RIMS2: variants seen among roughly 807,000 people sequenced by gnomAD.
RIMS2 encodes regulating synaptic membrane exocytosis 2, also known as regulating synaptic membrane exocytosis protein 2.
Under a neutral mutation model 174.4 loss-of-function variants are expected in RIMS2, and 59 were observed. The observed-to-expected ratio is 0.34, with a 90% CI of 0.27 to 0.42. The LOEUF is 0.42. Ranked by LOEUF, RIMS2 falls within the 10% of genes least tolerant of loss-of-function variation. The pLI is 1.00. For synonymous variants in RIMS2, 606 were observed against 572.5 expected (o/e 1.06, Z -0.84); for missense variants, 1,620 against 1,666.3 (o/e 0.97, Z 0.48).
At chr8:103,571,233 T>C (rs1014473545) in intron 1 of RIMS2, among the ~76,000 whole-genome samples, 2 of 152,208 alleles carry the variant, frequency 1.3e-5, no homozygotes, top group African/African-American at 2.4e-5. Context: ...ATGTCACTTA[T>C]GATCTCAAAA....
At chr8:103,767,787 A>T (rs1191109056) in intron 3 of RIMS2, among the ~76,000 whole-genome samples, 1 of 152,254 alleles carries the variant, frequency 6.6e-6, no homozygotes, top group African/African-American at 2.4e-5. Context: ...AAGTAGTAAA[A>T]GGGAACAGTA....
intron 3 of RIMS2, among the ~76,000 whole-genome samples, chr8:103,771,346 T>G (rs2098251603): frequency 1.3e-5 from 2 of 152,190 alleles, no homozygotes; most frequent in Non-Finnish European, 2.9e-5. Context: ...TAAAACTGTT[T>G]AAAAACATTT....
intron 3 of RIMS2, among the ~76,000 whole-genome samples, chr8:103,773,093 A>C (rs2098271602): frequency 6.6e-6 from 1 of 152,140 alleles, no homozygotes; most frequent in African/African-American, 2.4e-5. Context: ...ATTTTAGGGT[A>C]ATCAATAATT....
intron 19 of RIMS2, among the ~76,000 whole-genome samples, chr8:104,201,655 T>G (rs2099055414): frequency 6.6e-6 from 1 of 152,180 alleles, no homozygotes; most frequent in African/African-American, 2.4e-5. Context: ...ACCCTTTAAA[T>G]GATGAAATGA....
At position 103,790,419 on chromosome 8, in the gene RIMS2, T is replaced by C. The variant is rs1386025229; in HGVS notation, c.698+23882T>C. ...ATGTTTTCAAAGTTCATTGATTATA[T>C]AGCATGAATCAATAATTCATTCCTT... On this transcript the variant is annotated intron_variant, in intron 3 of 23. Transcript: ENST00000504942. Among the ~76,000 whole-genome samples, 6 of 152,358 alleles carry C rather than the reference T, an allele frequency of 3.9e-5. No homozygotes were observed. The South Asian group carries it at 1.2e-3, about 32-fold the overall frequency.
At chr8:104,127,764 TA>T (rs2098443843) in intron 19 of RIMS2, among the ~76,000 whole-genome samples, 1 of 152,038 alleles carries the variant, frequency 6.6e-6, no homozygotes, top group Non-Finnish European at 1.5e-5. Context: ...AATAGAAATA[TA>T]ACTTTTGCCC....
intron 16 of RIMS2, among the ~76,000 whole-genome samples, chr8:103,982,434 C>T (rs1165367123): frequency 7.8e-6 from 1 of 128,926 alleles, no homozygotes. Context: ...CAGACAAAGA[C>T]ACATAAAAAA....
chr8:103,582,613 A>T (rs1050766361), intron 1 of RIMS2, among the ~76,000 whole-genome samples: 7 of 152,176 alleles, frequency 4.6e-5, no homozygotes, highest in Middle Eastern at 3.4e-3. Context: ...GACTTAAGAA[A>T]CCTTGGACCT....
chr8:103,851,388 A>G (rs1201753929), intron 3 of RIMS2, among the ~76,000 whole-genome samples: 1 of 151,880 alleles, frequency 6.6e-6, no homozygotes, highest in African/African-American at 2.4e-5. Flanking sequence ...TGCCAATAAA[A>G]CATGAAAAAA....
chr8:103,923,513 A>G (rs2078134375), intron 10 of RIMS2, among the ~76,000 whole-genome samples: 1 of 151,924 alleles, frequency 6.6e-6, no homozygotes, highest in Non-Finnish European at 1.5e-5. Flanking sequence ...GGTAAAAGGT[A>G]CATCTGTTAA....
intron 2 of RIMS2, among the ~76,000 whole-genome samples, chr8:103,708,438 A>G (rs1340705144): frequency 1.3e-5 from 2 of 152,092 alleles, no homozygotes; most frequent in Non-Finnish European, 2.9e-5. Context: ...ATCCTCTTCA[A>G]TGCATCTTTT....
At chr8:103,848,106 G>A (rs1593708160) in intron 3 of RIMS2, among the ~76,000 whole-genome samples, 1 of 151,946 alleles carries the variant, frequency 6.6e-6, no homozygotes, top group Admixed American at 6.6e-5. Context: ...AATCAGCTAA[G>A]CTATTCACCA....
At chr8:103,520,046 T>G (rs1830884833) in intron 1 of RIMS2, among the ~76,000 whole-genome samples, 1 of 152,108 alleles carries the variant, frequency 6.6e-6, no homozygotes, top group African/African-American at 2.4e-5. Flanking sequence ...AGGAAGGGCT[T>G]TGGCATTAGT....
At position 103,989,298 on chromosome 8, in the gene RIMS2, G is replaced by A; in HGVS notation, c.2928-7G>A. The A allele has an allele frequency of 1.3e-6, 2 of 1,524,106 alleles. No individual in the cohort carries two copies. Among genetic ancestry groups the A allele is most frequent in the South Asian group, 1.1e-5 (1 of 88,900 alleles). The allele number at this position is 1,524,106 out of a possible 1,614,324, so 94.4% of individuals were successfully genotyped here. On this transcript the variant is annotated splice_region_variant and splice_polypyrimidine_tract_variant and intron_variant, in intron 16 of 23. Transcript: ENST00000504942. ...ACTAAGATATTGAATAGATCTTGTT[G>A]TTTTAGTCGGAATGTGGAACAGGGG...
intron 2 of RIMS2, among the ~76,000 whole-genome samples, chr8:103,707,253 G>T (rs2097243806): frequency 6.6e-6 from 1 of 152,174 alleles, no homozygotes; most frequent in South Asian, 2.1e-4. Context: ...GTATCTCTAT[G>T]ACTCCAGGGT....
intron 19 of RIMS2, among the ~76,000 whole-genome samples, chr8:104,236,082 C>G (rs1490727444): frequency 7.1e-6 from 1 of 140,144 alleles, no homozygotes; most frequent in Non-Finnish European, 1.6e-5. Context: ...TTTTTTTTAT[C>G]ATTCTCTCTA....
intron 14 of RIMS2, among the ~76,000 whole-genome samples, chr8:103,952,238 C>T (rs2085628949): frequency 6.6e-6 from 1 of 152,184 alleles, no homozygotes; most frequent in South Asian, 2.1e-4. Context: ...GCAGATCTCC[C>T]AGCACAGTGT....
chr8:104,108,819 A>G (rs995797637), intron 19 of RIMS2, among the ~76,000 whole-genome samples: 1 of 152,102 alleles, frequency 6.6e-6, no homozygotes, highest in Non-Finnish European at 1.5e-5. Flanking sequence ...TTCTTTTACT[A>G]TTTCTGTATA....
chr8:104,089,390 A>G lies in RIMS2; in HGVS notation c.3334+74775A>G, dbSNP rs190108955. On this transcript the variant is annotated intron_variant, in intron 19 of 23. Transcript: ENST00000504942. Reference sequence around the variant, plus strand: ...ATCATATTTTAGGAAAAGTAAAACTACATTTATCCATTTTAAATGTTGACT... The same window carrying G: ...ATCATATTTTAGGAAAAGTAAAACTGCATTTATCCATTTTAAATGTTGACT... Among the ~76,000 whole-genome samples the G allele has an allele frequency of 2.8e-3, 429 of 151,942 alleles. 2 individuals carry two copies. The highest frequency in any genetic ancestry group is 9.4e-3 in the African/African-American group (390 of 41,540).
Sources: gnomAD v4.1 joint callset for allele counts (sites outside exome capture counted in the v4.1 genomes callset) on GRCh38, gnomAD v4.1.1 for gene constraint, MANE v1.5 for transcripts, NCBI Gene and HGNC (gene_info 2026-07-23, HGNC 2026-07-21) for gene names.